SPOCK3: variants seen among roughly 807,000 people sequenced by gnomAD.
SPOCK3 encodes the protein testican-3.
Under a neutral mutation model 56.6 loss-of-function variants are expected in SPOCK3, and 30 were observed. The ratio of observed to expected loss-of-function variants is 0.53; its 90% CI spans 0.40 to 0.72. The LOEUF is 0.72. Among genes scored for constraint, SPOCK3 ranks in the 30% least tolerant of loss-of-function variants. The pLI, the probability that SPOCK3 is intolerant of heterozygous loss-of-function variation, is 0.00. For synonymous variants in SPOCK3, 196 were observed against 183.3 expected, an observed-to-expected ratio of 1.07 and a Z score of -0.56; for missense variants, 527 against 530.0, an observed-to-expected ratio of 0.99 and a Z score of 0.06.
chr4:167,145,614 G>C (rs1183944531), intron 2 of SPOCK3, among the ~76,000 whole-genome samples: 1 of 152,006 alleles, frequency 6.6e-6, no homozygotes, highest in Non-Finnish European at 1.5e-5. Context: ...CAACTGAAGA[G>C]GGTATTTCAA....
intron 2 of SPOCK3, among the ~76,000 whole-genome samples, chr4:167,167,854 G>A (rs530720596): frequency 3.9e-5 from 6 of 152,168 alleles, no homozygotes; most frequent in Non-Finnish European, 7.4e-5. Context: ...ATATGGTTTG[G>A]CTGTGACCCC....
chr4:166,909,260 T>C (rs1328361807), intron 5 of SPOCK3, among the ~76,000 whole-genome samples: 3 of 152,058 alleles, frequency 2.0e-5, no homozygotes, highest in Middle Eastern at 3.2e-3. Flanking sequence ...AAAATAATTA[T>C]TCAAAATTGG....
intron 5 of SPOCK3, among the ~76,000 whole-genome samples, chr4:166,889,565 A>G (rs1051016276): frequency 7.2e-5 from 11 of 151,986 alleles, no homozygotes; most frequent in Non-Finnish European, 4.4e-5. Flanking sequence ...AAATGGAGAG[A>G]CGCATGACAT....
chr4:166,831,199 TTTG>T (rs1746010563), intron 6 of SPOCK3, among the ~76,000 whole-genome samples: 1 of 152,234 alleles, frequency 6.6e-6, no homozygotes, highest in Non-Finnish European at 1.5e-5. Context: ...TATATCTGAA[TTTG>T]TTAAGTCATT....
intron 4 of SPOCK3, among the ~76,000 whole-genome samples, chr4:166,940,892 C>T (rs1358170619): frequency 2.0e-5 from 3 of 149,656 alleles, no homozygotes; most frequent in Non-Finnish European, 4.5e-5. Context: ...GGAAGTTTCC[C>T]GAGTGCTGAT....
At chr4:166,902,731 T>C (rs887010642) in intron 5 of SPOCK3, among the ~76,000 whole-genome samples, 3 of 151,694 alleles carry the variant, frequency 2.0e-5, no homozygotes, top group African/African-American at 2.4e-5. Flanking sequence ...ATTATCTTGA[T>C]TGAAGTTCAT....
chr4:167,134,440 A>G (rs1762952482), intron 2 of SPOCK3, among the ~76,000 whole-genome samples: 1 of 152,092 alleles, frequency 6.6e-6, no homozygotes, highest in African/African-American at 2.4e-5. Flanking sequence ...TACTGATATT[A>G]ATAAACTTGT....
chr4:167,226,902 T>C (rs141408228), intron 2 of SPOCK3, among the ~76,000 whole-genome samples: 58 of 152,198 alleles, frequency 3.8e-4, no homozygotes, highest in African/African-American at 1.2e-3. Flanking sequence ...CAGGGTCTCC[T>C]TTCTGCAGGA....
At chr4:167,109,127 T>TATATTTATATAAATATATATATAAA (rs1253630622) in intron 2 of SPOCK3, among the ~76,000 whole-genome samples, 3 of 696 alleles carry the variant, frequency 4.3e-3, no homozygotes, top group African/African-American at 0.029. Flanking sequence ...TATATAAATA[T>TATATTTATATAAATATATATATAAA]TATATATTTA....
At chr4:167,018,923 A>G (rs1269192539) in intron 3 of SPOCK3, among the ~76,000 whole-genome samples, 1 of 152,088 alleles carries the variant, frequency 6.6e-6, no homozygotes, top group Non-Finnish European at 1.5e-5. Flanking sequence ...ATTTATCATT[A>G]AAATATCCAG....
intron 4 of SPOCK3, among the ~76,000 whole-genome samples, chr4:166,913,370 T>C (rs560162178): frequency 2.4e-4 from 36 of 152,302 alleles, no homozygotes; most frequent in African/African-American, 7.9e-4. Flanking sequence ...CGATTGTTTG[T>C]TTCCCCACTT....
intron 2 of SPOCK3, among the ~76,000 whole-genome samples, chr4:167,205,544 TTATATAA>T (rs1440745576): frequency 1.6e-4 from 9 of 57,616 alleles, no homozygotes; most frequent in East Asian, 5.5e-4. Context: ...ATAATATATA[TTATATAA>T]TATATAATAT....
intron 7 of SPOCK3, among the ~76,000 whole-genome samples, chr4:166,782,596 A>G (rs1011892219): frequency 2.0e-5 from 3 of 152,164 alleles, no homozygotes; most frequent in Non-Finnish European, 4.4e-5. Context: ...AAGTCATTCA[A>G]AGTCTGATAC....
In SPOCK3 at chr4:167,111,288, G is replaced by A. The variant is rs143790937; in HGVS notation, c.190-48751C>T. Among the ~76,000 whole-genome samples, 178 of 151,918 alleles carry A rather than the reference G, an allele frequency of 1.2e-3. 5 individuals carry two copies. The East Asian group carries it at 0.019, about 16-fold the overall frequency. On this transcript the variant is annotated intron_variant, in intron 2 of 10. Coordinates refer to ENST00000357545, the MANE Select transcript of SPOCK3 (RefSeq NM_001040159.2). The stretch of plus-strand genomic sequence containing the variant: ...CATTAAGATAGATAACAAAGCCCGC[G>A]GACTCAAGAACATATTTTGCAATTG...
chr4:167,186,173 A>T (rs2110802903), intron 2 of SPOCK3, among the ~76,000 whole-genome samples: 1 of 152,334 alleles, frequency 6.6e-6, no homozygotes, highest in South Asian at 2.1e-4. Context: ...TAATTATAAA[A>T]TATTATACCT....
At chr4:166,821,179 G>A (rs1744898455) in intron 6 of SPOCK3, among the ~76,000 whole-genome samples, 1 of 151,950 alleles carries the variant, frequency 6.6e-6, no homozygotes, top group African/African-American at 2.4e-5. Flanking sequence ...TTTTATTAAA[G>A]AAGATATGCA....
chr4:166,735,863 T>C (rs1457208290), intron 10 of SPOCK3, among the ~76,000 whole-genome samples: 1 of 152,044 alleles, frequency 6.6e-6, no homozygotes, highest in Non-Finnish European at 1.5e-5. Flanking sequence ...AAATGTGTGT[T>C]GTTTAAGCCA....
At chr4:167,154,907 C>T (rs1038078312) in intron 2 of SPOCK3, among the ~76,000 whole-genome samples, 7 of 152,090 alleles carry the variant, frequency 4.6e-5, no homozygotes, top group Non-Finnish European at 7.4e-5. Context: ...TTTCCAATCT[C>T]TCCTGCTTCC....
chr4:166,961,086 C>A (rs547148476), intron 4 of SPOCK3, among the ~76,000 whole-genome samples: 19 of 151,990 alleles, frequency 1.3e-4, no homozygotes, highest in African/African-American at 4.1e-4. Context: ...GAAAGACAGG[C>A]AAATGATATA....
Sources: gnomAD v4.1 joint callset for allele counts (sites outside exome capture counted in the v4.1 genomes callset) on GRCh38, gnomAD v4.1.1 for gene constraint, MANE v1.5 for transcripts, NCBI Gene and HGNC (gene_info 2026-07-23, HGNC 2026-07-21) for gene names.